IFI44L: variants seen among roughly 807,000 people sequenced by gnomAD.
IFI44L encodes the protein interferon induced protein 44 like.
IFI44L carries 40 observed loss-of-function variants against 39.3 expected under a neutral mutation model. The observed-to-expected ratio is 1.02, with a 90% CI of 0.79 to 1.33. The LOEUF (loss-of-function observed/expected upper bound fraction) is 1.33, where lower values mean the gene tolerates loss of function less well. Ranked by LOEUF, IFI44L falls within the 40% of genes most tolerant of loss-of-function variation. The pLI, the probability that IFI44L is intolerant of heterozygous loss-of-function variation, is 0.00. For missense variants in IFI44L, 623 were observed against 549.0 expected (o/e 1.13, Z -1.35); for synonymous variants, 198 against 182.3 (o/e 1.09, Z -0.69).
chr1:78,635,708 T>G (rs1330529856), intron 5 of IFI44L: 1 of 539,996 alleles, frequency 1.9e-6, no homozygotes, highest in Non-Finnish European at 3.2e-6. Flanking sequence ...AGGATTCTAC[T>G]CATTTGCATT....
intron 2 of IFI44L, 130 bp downstream of exon 2, chr1:78,628,523 A>T: frequency 1.5e-6 from 1 of 657,508 alleles, no homozygotes; most frequent in Admixed American, 2.8e-5. Flanking sequence ...TCTTTGATAA[A>T]TTCTGAAATG....
chr1:78,628,364 A>G lies in IFI44L; in HGVS notation c.449A>G (p.Tyr150Cys). The change falls in exon 2 of 9, where the codon TAT (tyrosine) becomes TGT (cysteine). Residue 150 changes from tyrosine to cysteine, a missense_variant. Coordinates refer to ENST00000370751, the MANE Select transcript of IFI44L (RefSeq NM_006820.4). ...LKLRFYGHRQ[Y>C]LECEVFRVEG... ...CTAAGGTTTTATGGCCACCGTCAGT[A>G]TTTGGAATGTGAAGTTTTTCGAGTT... The G allele has an allele frequency of 6.4e-7, 1 of 1,574,658 alleles. No homozygotes were observed. The highest frequency in any genetic ancestry group is 8.6e-7 in the Non-Finnish European group (1 of 1,163,426).
intron 1 of IFI44L, among the ~76,000 whole-genome samples, chr1:78,623,133 C>T (rs995496706): frequency 5.3e-5 from 8 of 152,126 alleles, no homozygotes; most frequent in Non-Finnish European, 1.0e-4. Flanking sequence ...CATCTGTGAG[C>T]AGAGATGATT....
Position 78,628,014 on chromosome 1 carries a change from T to C in IFI44L, c.99T>C (p.His33=), listed in dbSNP as rs41292964. ...GTCTTCTCTATAAGTCTAGTGTTCATGGAGGTAGCATTGAAGATATGGTTG... is the reference window on the plus strand; with the variant it reads ...GTCTTCTCTATAAGTCTAGTGTTCACGGAGGTAGCATTGAAGATATGGTTG... ...SLSLLYKSSV[H]GGSIEDMVER... The change falls in exon 2 of 9, where the codon CAT becomes CAC. Residue 33 remains histidine (H), a synonymous_variant. Coordinates refer to ENST00000370751, the MANE Select transcript of IFI44L (RefSeq NM_006820.4). 2.2e-3 allele frequency: 3,480 copies of C among 1,613,250 alleles called. 17 individuals are homozygous for C. The highest frequency in any genetic ancestry group is 2.5e-3 in the Non-Finnish European group (2,991 of 1,179,484).
intron 1 of IFI44L, chr1:78,625,808 T>C (rs1652463391): frequency 6.6e-6 from 1 of 152,024 alleles, no homozygotes. Flanking sequence ...ACATTTTATC[T>C]TCATTGTATA....
chr1:78,625,915 G>A (rs1461240708), intron 1 of IFI44L: 1 of 151,786 alleles, frequency 6.6e-6, no homozygotes, highest in Non-Finnish European at 1.5e-5. Flanking sequence ...ATTTTCCAAT[G>A]TATGAGGGGA....
chr1:78,623,527 T>TA (rs966686472), intron 1 of IFI44L, among the ~76,000 whole-genome samples: 5 of 148,192 alleles, frequency 3.4e-5, no homozygotes, highest in African/African-American at 5.0e-5. Flanking sequence ...TGAACCAACA[T>TA]AAAAAAAATA....
At chr1:78,641,641 A>G (rs1646986174) in intron 8 of IFI44L, 32 bp downstream of exon 8, 1 of 1,612,112 alleles carries the variant, frequency 6.2e-7, no homozygotes, top group Non-Finnish European at 8.5e-7. Context: ...CCTGTCATAG[A>G]TCACTGGTGC....
At chr1:78,621,005 T>A (rs1415384888) in intron 1 of IFI44L, 1 of 152,216 alleles carries the variant, frequency 6.6e-6, no homozygotes, top group Non-Finnish European at 1.5e-5. Context: ...TTTTGCTAGC[T>A]GTGTGTGAAG....
At position 78,643,733 on chromosome 1, in the gene IFI44L, G is replaced by A. The variant is rs1647015318; in HGVS notation, c.*1924G>A. ...CTGACTGGTGTCAGCAGACCCATGG[G>A]ATTCCAAGATCTGGAAAACTTTTTA... is the stretch of plus-strand genomic sequence containing the variant. On this transcript the variant is annotated 3_prime_UTR_variant, in exon 9 of 9. Transcript: ENST00000370751. 6.6e-6 allele frequency: 1 copy of A among 150,904 alleles called. No individual in the cohort carries two copies. The highest frequency in any genetic ancestry group is 2.4e-5 in the African/African-American group (1 of 41,008). 9.3% of individuals were successfully genotyped at this position (150,904 alleles called of 1,614,324 possible).
rs1176496317 is a variant in IFI44L, at chr1:78,645,663, T to C, written c.*3854T>C. ...CATGGAATCCTGCAACCAAAAGCCA[T>C]GGGAATTTGGAAGCCCTCAAATCCC... On this transcript the variant is annotated 3_prime_UTR_variant, in exon 9 of 9. Transcript: ENST00000370751. 1 of 152,176 alleles carries C rather than the reference T, an allele frequency of 6.6e-6. No homozygotes were observed. Among genetic ancestry groups the C allele is most frequent in the African/African-American group, 2.4e-5 (1 of 41,436 alleles). 9.4% of individuals were successfully genotyped at this position (152,176 alleles called of 1,614,324 possible). A position where few individuals can be genotyped will look rare whatever the true frequency, so the allele number is the denominator to read the frequency against.
At chr1:78,626,118 G>T (rs1557682624) in intron 1 of IFI44L, 1 of 151,384 alleles carries the variant, frequency 6.6e-6, no homozygotes, top group East Asian at 1.9e-4. Flanking sequence ...AATCCCTTTT[G>T]CCCTTTTCTC....
chr1:78,629,111 A>C (rs1652617226), intron 3 of IFI44L, 112 bp downstream of exon 3: 15 of 741,280 alleles, frequency 2.0e-5, no homozygotes, highest in South Asian at 2.0e-4. Flanking sequence ...ATGATTAAAA[A>C]AGAGTTATAA....
At chr1:78,621,053 C>A (rs1652256325) in intron 1 of IFI44L, 1 of 152,160 alleles carries the variant, frequency 6.6e-6, no homozygotes, top group Non-Finnish European at 1.5e-5. Flanking sequence ...AAAGGAGTTT[C>A]AGAGTGGAAT....
intron 5 of IFI44L, among the ~76,000 whole-genome samples, chr1:78,636,507 C>T (rs549303848): frequency 1.3e-5 from 2 of 152,156 alleles, no homozygotes; most frequent in South Asian, 4.1e-4. Context: ...AGATTACTGT[C>T]TTGTGGTAAG....
At chr1:78,626,159 G>T (rs1057002833) in intron 1 of IFI44L, 1 of 151,522 alleles carries the variant, frequency 6.6e-6, no homozygotes, top group African/African-American at 2.4e-5. Flanking sequence ...CAATACTTCA[G>T]TTGGTAAATT....
intron 5 of IFI44L, chr1:78,636,775 C>A: frequency 2.7e-6 from 1 of 370,930 alleles, no homozygotes. Flanking sequence ...ATTATTTAAA[C>A]TTTCCTGCAA....
At chr1:78,641,318 C>T (rs1037187082) in intron 7 of IFI44L, 117 bp from the exon 8 acceptor site, 59 of 981,922 alleles carry the variant, frequency 6.0e-5, no homozygotes, top group East Asian at 2.8e-4. Flanking sequence ...TTGTATGTTC[C>T]GAAGATAACT....
rs780880452 is a variant in IFI44L at position 78,641,514 on chromosome 1, T to C, written c.1229T>C (p.Leu410Pro). The change falls in exon 8 of 9, where the codon CTG becomes CCG. Residue 410 changes from leucine to proline, a missense_variant. Physicochemically the swap from Leu to Pro is moderately conservative, Grantham distance 98. Coordinates refer to ENST00000370751, the MANE Select transcript of IFI44L (RefSeq NM_006820.4). ...MVGNYASDLE[L>P]DPMKDILILS... ...GGAAATTATGCTTCAGATTTGGAAC[T>C]GGACCCCATGAAGGATATTCTCATC... 4 of 1,613,756 alleles carry C rather than the reference T, an allele frequency of 2.5e-6. No individual in the cohort carries two copies. In the Admixed American group the frequency reaches 6.7e-5, roughly 27 times the overall value.
Sources: allele counts gnomAD v4.1 joint callset (sites outside exome capture counted in the v4.1 genomes callset), GRCh38; gene constraint gnomAD v4.1.1; transcripts MANE v1.5; gene names NCBI Gene and HGNC (gene_info 2026-07-23, HGNC 2026-07-21).